The following SULF1 variants were observed in gnomAD, a reference collection of about 807,000 sequenced individuals.
SULF1 encodes the protein sulfatase 1.
SULF1 carries 46 observed loss-of-function variants against 110.5 expected under a neutral mutation model. The observed-to-expected ratio is 0.42, with a 90% CI of 0.33 to 0.53. The LOEUF (loss-of-function observed/expected upper bound fraction) is 0.53. Ranked by LOEUF, SULF1 falls within the 20% of genes least tolerant of loss-of-function variation. SULF1 has a pLI of 0.12. For missense variants in SULF1, 941 were observed against 1,094.2 expected, an observed-to-expected ratio of 0.86 and a Z score of 1.98; for synonymous variants, 371 against 387.1, an observed-to-expected ratio of 0.96 and a Z score of 0.49.
At chr8:69,626,533 G>A (rs1810048224) in intron 15 of SULF1, among the ~76,000 whole-genome samples, 1 of 152,250 alleles carries the variant, frequency 6.6e-6, no homozygotes, top group Non-Finnish European at 1.5e-5. Flanking sequence ...ATAGAGCAGG[G>A]GGTGGTGCTC....
intron 14 of SULF1, among the ~76,000 whole-genome samples, chr8:69,622,849 G>A (rs961517994): frequency 5.3e-5 from 8 of 151,966 alleles, no homozygotes; most frequent in African/African-American, 1.7e-4. Flanking sequence ...GATGGAACTC[G>A]TAAGCACTCT....
chr8:69,658,882 C>T lies in SULF1; in HGVS notation c.*347C>T, dbSNP rs948922897. On this transcript the variant is annotated 3_prime_UTR_variant, in exon 23 of 23. Transcript: ENST00000402687. ...TGACCTTCAAACCCTGCATTTGAACCGACCAACATTAAGTCCAGAGAGTAA... is the reference window on the plus strand; with the variant it reads ...TGACCTTCAAACCCTGCATTTGAACTGACCAACATTAAGTCCAGAGAGTAA... The T allele has an allele frequency of 1.8e-5, 9 of 507,014 alleles. No homozygotes were observed. Among genetic ancestry groups the T allele is most frequent in the South Asian group, 6.2e-5 (4 of 65,024 alleles). 31.4% of individuals were successfully genotyped at this position (507,014 alleles called of 1,614,324 possible). A position where few individuals can be genotyped will look rare whatever the true frequency, so the allele number is the denominator to read the frequency against.
intron 6 of SULF1, among the ~76,000 whole-genome samples, chr8:69,577,868 G>A (rs1023371298): frequency 6.6e-6 from 1 of 152,138 alleles, no homozygotes; most frequent in South Asian, 2.1e-4. Flanking sequence ...TCTTTCCTCT[G>A]TTCATTGTCT....
chr8:69,502,051 G>A (rs1371539575), intron 3 of SULF1, 83 bp downstream of exon 3: 1 of 152,204 alleles, frequency 6.6e-6, no homozygotes, highest in African/African-American at 2.4e-5. Context: ...ACATTTCACG[G>A]TTGGGGAATT....
chr8:69,469,557 G>T (rs1279069812), intron 1 of SULF1, among the ~76,000 whole-genome samples: 2 of 152,088 alleles, frequency 1.3e-5, no homozygotes, highest in Admixed American at 1.3e-4. Context: ...AAACTAGAAG[G>T]GTTCTACTCT....
intron 1 of SULF1, among the ~76,000 whole-genome samples, chr8:69,485,401 TG>T (rs1809662561): frequency 6.6e-6 from 1 of 152,174 alleles, no homozygotes; most frequent in Non-Finnish European, 1.5e-5. Flanking sequence ...CAATCACACA[TG>T]GGGCTCAGGT....
At chr8:69,563,775 C>A in intron 4 of SULF1, 141 bp from the exon 5 acceptor site, 1 of 528,976 alleles carries the variant, frequency 1.9e-6, no homozygotes, top group Non-Finnish European at 3.3e-6. Context: ...TGAGGGTTTG[C>A]TATTTCTGAC....
chr8:69,466,938 G>GA (rs1554554867), exon 1 of SULF1: 1 of 151,466 alleles, frequency 6.6e-6, no homozygotes. Flanking sequence ...AAGAAAAGCA[G>GA]TTTTTTTTTC....
chr8:69,537,527 A>G (rs970169429), intron 3 of SULF1, among the ~76,000 whole-genome samples: 1 of 152,146 alleles, frequency 6.6e-6, no homozygotes, highest in African/African-American at 2.4e-5. Flanking sequence ...TCTTAATTCT[A>G]CCCTCAGCAT....
At chr8:69,565,996 T>C (rs1815854356) in intron 5 of SULF1, among the ~76,000 whole-genome samples, 1 of 152,132 alleles carries the variant, frequency 6.6e-6, no homozygotes, top group Non-Finnish European at 1.5e-5. Flanking sequence ...TGTCATGCGC[T>C]TGGTGTTCCC....
At chr8:69,483,073 T>C (rs1440009214) in intron 1 of SULF1, among the ~76,000 whole-genome samples, 1 of 152,184 alleles carries the variant, frequency 6.6e-6, no homozygotes, top group East Asian at 1.9e-4. Flanking sequence ...TATCGGAAGA[T>C]GTGTGTAGAT....
intron 3 of SULF1, among the ~76,000 whole-genome samples, chr8:69,532,399 G>T (rs1418882925): frequency 6.6e-6 from 1 of 151,888 alleles, no homozygotes; most frequent in African/African-American, 2.4e-5. Context: ...AAAGGAACTG[G>T]ACAACAATAT....
intron 3 of SULF1, among the ~76,000 whole-genome samples, chr8:69,517,237 G>A (rs1414236734): frequency 3.9e-5 from 6 of 152,102 alleles, no homozygotes; most frequent in African/African-American, 1.4e-4. Flanking sequence ...TCTCATGATA[G>A]CCAACACATT....
At chr8:69,587,529 A>C (rs1476438659) in intron 7 of SULF1, among the ~76,000 whole-genome samples, 1 of 152,228 alleles carries the variant, frequency 6.6e-6, no homozygotes, top group African/African-American at 2.4e-5. Context: ...CAAACTCATG[A>C]AAGTTAAAAG....
At chr8:69,582,668 CTA>C (rs1806156046) in intron 6 of SULF1, among the ~76,000 whole-genome samples, 2 of 144,860 alleles carry the variant, frequency 1.4e-5, no homozygotes, top group Admixed American at 1.4e-4. Context: ...TTCTCAATCA[CTA>C]TGCTTTTTGC....
chr8:69,526,945 AAGAT>A (rs1458483633), intron 3 of SULF1, among the ~76,000 whole-genome samples: 1 of 152,210 alleles, frequency 6.6e-6, no homozygotes, highest in Non-Finnish European at 1.5e-5. Flanking sequence ...CTTCAAGAGA[AAGAT>A]AGAAAAAATA....
At chr8:69,530,150 G>A (rs1812983445) in intron 3 of SULF1, among the ~76,000 whole-genome samples, 1 of 152,142 alleles carries the variant, frequency 6.6e-6, no homozygotes, top group African/African-American at 2.4e-5. Flanking sequence ...TAGCGCTTGA[G>A]GAGTCTTTCT....
chr8:69,593,234 G>A (rs1807036857), intron 8 of SULF1, among the ~76,000 whole-genome samples: 4 of 152,202 alleles, frequency 2.6e-5, no homozygotes, highest in Non-Finnish European at 5.9e-5. Flanking sequence ...GACAAAAGGA[G>A]TGAGATAAAT....
chr8:69,487,029 C>G (rs1310446070), intron 1 of SULF1, among the ~76,000 whole-genome samples: 1 of 152,208 alleles, frequency 6.6e-6, no homozygotes, highest in Non-Finnish European at 1.5e-5. Context: ...TTTCCTCCAA[C>G]AGAATGCCAG....
Sources: gnomAD v4.1 joint callset for allele counts (sites outside exome capture counted in the v4.1 genomes callset) on GRCh38, gnomAD v4.1.1 for gene constraint, MANE v1.5 for transcripts, NCBI Gene and HGNC (gene_info 2026-07-23, HGNC 2026-07-21) for gene names.